TRIM47: variants seen among roughly 807,000 people sequenced by gnomAD.
TRIM47 encodes the protein tripartite motif containing 47.
TRIM47 carries 46 observed loss-of-function variants against 54.4 expected under a neutral mutation model. The ratio of observed to expected loss-of-function variants is 0.84; its 90% CI spans 0.67 to 1.08. The LOEUF (loss-of-function observed/expected upper bound fraction) is 1.08, where lower values mean the gene tolerates loss of function less well. TRIM47 is among the 50% of genes least tolerant of loss of function. The pLI is 0.00. For missense variants in TRIM47, 825 were observed against 910.1 expected, an observed-to-expected ratio of 0.91 and a Z score of 1.20; for synonymous variants, 392 against 410.2, an observed-to-expected ratio of 0.96 and a Z score of 0.54.
At chr17:75,877,656 G>A in intron 1 of TRIM47, 1 of 1,225,846 alleles carries the variant, frequency 8.2e-7, no homozygotes, top group Non-Finnish European at 1.0e-6. Context: ...CGCTCTTCGC[G>A]TCCTTGTCCT....
Position 75,876,023 on chromosome 17 carries a change from G to A in TRIM47, c.1079C>T (p.Thr360Ile), listed in dbSNP as rs1460092237. 4 of 1,604,324 alleles carry A rather than the reference G, an allele frequency of 2.5e-6. No individual in the cohort carries two copies. Among genetic ancestry groups the A allele is most frequent in the Admixed American group, 1.7e-5 (1 of 60,026 alleles). ...GPGPPRELSF[T>I]KSSQAVRAVR... ...TGCACGGACAGCTTGGGATGATTTG[G>A]TGAAGCTGAGCTCCCTCGGGGGTCC... Residue 360 changes from threonine (T) to isoleucine (I), a missense_variant, in exon 4 of 6, where the codon ACC becomes ATC. Physicochemically the swap from Thr to Ile is moderately conservative, Grantham distance 89. Transcript: ENST00000254816.
intron 1 of TRIM47, 69 bp downstream of exon 1, chr17:75,877,805 G>A (rs947423834): frequency 3.9e-6 from 5 of 1,277,864 alleles, no homozygotes; most frequent in Non-Finnish European, 9.9e-7. Flanking sequence ...GGGGGTCCAA[G>A]GTCCTCGGCC....
Position 75,878,543 on chromosome 17 carries a change from G to A in TRIM47, c.6C>T (p.Asp2=). 7.8e-7 allele frequency: 1 copy of A among 1,286,082 alleles called. No homozygotes were observed. The highest frequency in any genetic ancestry group is 1.5e-5 in the African/African-American group (1 of 65,248). 79.7% of individuals were successfully genotyped at this position (1,286,082 alleles called of 1,614,324 possible). The change falls in exon 1 of 6, where the codon GAC becomes GAT. Residue 2 remains aspartate, a synonymous_variant. Coordinates refer to ENST00000254816, the MANE Select transcript of TRIM47 (RefSeq NM_033452.3). ...TGGGGCAGCTGAAGGGTCCACTGCC[G>A]TCCATGACTCCGCGGCCGCCCAGGG... M[D]GSGPFSCPIC...
chr17:75,874,856 C>A lies in TRIM47; in HGVS notation c.1544G>T (p.Arg515Leu), dbSNP rs374555938. The A allele has an allele frequency of 3.1e-6, 5 of 1,613,878 alleles. No individual in the cohort carries two copies. In the African/African-American group the frequency reaches 5.3e-5, roughly 17 times the overall value. Residue 515 changes from arginine (R) to leucine (L), a missense_variant, in exon 6 of 6, where the codon CGC becomes CTC. Coordinates refer to ENST00000254816, the MANE Select transcript of TRIM47 (RefSeq NM_033452.3). The surrounding 1 kb of genome is among the most constrained non-coding windows in gnomAD (Gnocchi z 6.2). The part of the protein sequence containing the change: ...QEPYDRGRLG[R>L]NAHSCCLQWN... ...CTGCAGGCAGCAGGAGTGGGCGTTG[C>A]GGCCCAGCCGGCCGCGGTCGTAGGG...
At position 75,875,972 on chromosome 17, in the gene TRIM47, C is replaced by T. The variant is rs1282829889; in HGVS notation, c.1130G>A (p.Cys377Tyr). The change falls in exon 4 of 6, where the codon TGC becomes TAC. Residue 377 changes from cysteine (C) to tyrosine (Y), a missense_variant. By Grantham distance (194) the Cys-to-Tyr change is radical (BLOSUM62 -2). Coordinates refer to ENST00000254816, the MANE Select transcript of TRIM47 (RefSeq NM_033452.3). This position sits in a 1 kb window ranked among gnomAD's most constrained non-coding sequence, Gnocchi z 6.1. ...RAVRDMLAVACVNQWEQLRGP... is the reference protein window; with the variant it reads ...RAVRDMLAVAYVNQWEQLRGP... The stretch of plus-strand genomic sequence containing the variant: ...CCTCAGCTGCTCCCACTGGTTGACG[C>T]AGGCCACGGCCAGCATGTCTCTCAC... 1.2e-6 allele frequency: 2 copies of T among 1,609,288 alleles called. No homozygotes were observed. Among genetic ancestry groups the T allele is most frequent in the Non-Finnish European group, 1.7e-6 (2 of 1,179,998 alleles).
Position 75,875,553 on chromosome 17 carries a change from C to T in TRIM47, c.1202-79G>A. The T allele has an allele frequency of 3.0e-6, 4 of 1,318,122 alleles. No homozygotes were observed. The highest frequency in any genetic ancestry group is 1.8e-4 in the Middle Eastern group (1 of 5,514). The allele number at this position is 1,318,122 out of a possible 1,614,324, so 81.7% of individuals were successfully genotyped here. A position where few individuals can be genotyped will look rare whatever the true frequency, so the allele number is the denominator to read the frequency against. On this transcript the variant is annotated intron_variant, in intron 4 of 5. Transcript: ENST00000254816. This position sits in a 1 kb window ranked among gnomAD's most constrained non-coding sequence, Gnocchi z 6.1. ...CTGTGACTACAATCCCTACCCCCTT[C>T]ACTTCCTCCCAGAGTCCAGAGCCAC... is the stretch of plus-strand genomic sequence containing the variant.
rs1219519708 is a variant in TRIM47, at chr17:75,878,518, T to C, written c.31A>G (p.Ile11Val). Residue 11 changes from isoleucine (I) to valine (V), a missense_variant, in exon 1 of 6, where the codon ATC becomes GTC. Coordinates refer to ENST00000254816, the MANE Select transcript of TRIM47 (RefSeq NM_033452.3). Reference protein sequence around the residue: MDGSGPFSCPICLEPLREPVT... With the variant: MDGSGPFSCPVCLEPLREPVT... ...GGCTCCCGGAGTGGCTCTAGGCAGATGGGGCAGCTGAAGGGTCCACTGCCG... is the reference window on the plus strand; with the variant it reads ...GGCTCCCGGAGTGGCTCTAGGCAGACGGGGCAGCTGAAGGGTCCACTGCCG... The C allele has an allele frequency of 1.5e-6, 2 of 1,327,448 alleles. No homozygotes were observed. 82.2% of individuals were successfully genotyped at this position (1,327,448 alleles called of 1,614,324 possible).
chr17:75,875,097 C>T lies in TRIM47; in HGVS notation c.1303G>A (p.Asp435Asn), dbSNP rs748897915. The part of the protein sequence containing the change: ...KFAYIVDLDS[D>N]TADKFLQLFG... ...AGCTGCAGGAACTTGTCTGCTGTGT[C>T]GCTGTCCAAATCCACAATATAGGCA... Residue 435 changes from aspartate (D) to asparagine (N), a missense_variant, in exon 6 of 6, where the codon GAC becomes AAC. Transcript: ENST00000254816. The surrounding 1 kb of genome is among the most constrained non-coding windows in gnomAD (Gnocchi z 6.1). The T allele has an allele frequency of 1.4e-5, 23 of 1,603,438 alleles. No individual in the cohort carries two copies. The Admixed American group carries it at 1.8e-4, about 13-fold the overall frequency.
chr17:75,877,002 T>C lies in TRIM47; in HGVS notation c.676-189A>G, dbSNP rs1599437693. Reference sequence around the variant, plus strand: ...CTGCAGCCCAGGCTGGTGCCTTTCCTGAACGCCTGGGGGGCGTGCAGGCTG... The same window carrying C: ...CTGCAGCCCAGGCTGGTGCCTTTCCCGAACGCCTGGGGGGCGTGCAGGCTG... On this transcript the variant is annotated intron_variant, in intron 1 of 5. Transcript: ENST00000254816. 1.6e-5 allele frequency: 10 copies of C among 611,414 alleles called. No individual in the cohort carries two copies. The East Asian group carries it at 2.8e-4, about 17-fold the overall frequency. 37.9% of individuals were successfully genotyped at this position (611,414 alleles called of 1,614,324 possible).
rs753345945 is a variant in TRIM47, at chr17:75,874,937, A to ATCTCCACC, written c.1455_1462dup (p.Ile488ArgfsTer85). Reference sequence around the variant, plus strand: ...CCCCATGCTGACCCAGCCCTCGATAATCTCCACCTCCCAGTAGTAGGTGCC... The same window carrying ATCTCCACC: ...CCCCATGCTGACCCAGCCCTCGATAATCTCCACCTCTCCACCTCCCAGTAGTAGGTGCC... On this transcript the variant is annotated frameshift_variant, in exon 6 of 6. Transcript: ENST00000254816. LOFTEE classifies it high-confidence loss of function. This position sits in a 1 kb window ranked among gnomAD's most constrained non-coding sequence, Gnocchi z 6.2. 3.7e-6 allele frequency: 6 copies of ATCTCCACC among 1,613,932 alleles called. No homozygotes were observed. Among genetic ancestry groups the ATCTCCACC allele is most frequent in the Non-Finnish European group, 5.1e-6 (6 of 1,179,980 alleles).
In TRIM47 at chr17:75,875,538, A is replaced by C; in HGVS notation, c.1202-64T>G. 2.8e-6 allele frequency: 4 copies of C among 1,426,400 alleles called. No homozygotes were observed. Among genetic ancestry groups the C allele is most frequent in the Non-Finnish European group, 3.9e-6 (4 of 1,012,914 alleles). 88.4% of individuals were successfully genotyped at this position (1,426,400 alleles called of 1,614,324 possible). A position where few individuals can be genotyped will look rare whatever the true frequency, so the allele number is the denominator to read the frequency against. On this transcript the variant is annotated intron_variant, in intron 4 of 5. Transcript: ENST00000254816. This position sits in a 1 kb window ranked among gnomAD's most constrained non-coding sequence, Gnocchi z 6.1. Reference sequence around the variant, plus strand: ...TGCCCCCCTCTGAACCTGTGACTACAATCCCTACCCCCTTCACTTCCTCCC... The same window carrying C: ...TGCCCCCCTCTGAACCTGTGACTACCATCCCTACCCCCTTCACTTCCTCCC...
At chr17:75,877,771 T>C (rs751336261) in intron 1 of TRIM47, 103 bp downstream of exon 1, 14 of 1,261,726 alleles carry the variant, frequency 1.1e-5, no homozygotes, top group Non-Finnish European at 1.1e-5. Flanking sequence ...GAGGAGGAGA[T>C]TAAGACCCAA....
rs2143980812 is a variant in TRIM47, at chr17:75,878,213, C to T, written c.336G>A (p.Ser112=). 3 of 1,228,214 alleles carry T rather than the reference C, an allele frequency of 2.4e-6. No homozygotes were observed. The highest frequency in any genetic ancestry group is 3.0e-6 in the Non-Finnish European group (3 of 985,940). The allele number at this position is 1,228,214 out of a possible 1,614,324, so 76.1% of individuals were successfully genotyped here. The stretch of plus-strand genomic sequence containing the variant: ...GCCACGGCTCGGGAGCGCAGGGGGC[C>T]GACGGCTCCGGGACACTGGGCAGCG... ...PSALPSVPEP[S]APCAPEPWPA... is the part of the protein sequence containing the mutation. The change falls in exon 1 of 6, where the codon TCG becomes TCA. Residue 112 remains serine, a synonymous_variant. Transcript: ENST00000254816.
intron 3 of TRIM47, 42 bp downstream of exon 3, chr17:75,876,220 C>T: frequency 6.3e-7 from 1 of 1,577,336 alleles, no homozygotes; most frequent in Non-Finnish European, 8.6e-7. Flanking sequence ...CCCCACCTGT[C>T]CCAGCTTCTG....
chr17:75,876,730 C>A lies in TRIM47; in HGVS notation c.759G>T (p.Val253=). ...GAGIAQSRRT[V]ALIKSAAVAE... ...AGGGGTGTTTGACCTTGATGAGGGC[C>A]ACTGTGCGCCTGGACTGTGCAATGC... Residue 253 remains valine, a synonymous_variant, in exon 2 of 6, where the codon GTG becomes GTT. Coordinates refer to ENST00000254816, the MANE Select transcript of TRIM47 (RefSeq NM_033452.3). 6.2e-7 allele frequency: 1 copy of A among 1,614,162 alleles called. No homozygotes were observed. Among genetic ancestry groups the A allele is most frequent in the Non-Finnish European group, 8.5e-7 (1 of 1,180,012 alleles).
In TRIM47 at chr17:75,875,410, A is replaced by G. The variant is rs1413423803; in HGVS notation, c.1266T>C (p.Tyr422=). The change falls in exon 5 of 6, where the codon TAT becomes TAC. Residue 422 remains tyrosine (Y), a synonymous_variant. Transcript: ENST00000254816. The surrounding 1 kb of genome is among the most constrained non-coding windows in gnomAD (Gnocchi z 6.1). ...CGGGCGTCCACTTACACTTGAGGAA[A>G]TAGTCCCTGGGAGCTTCACTCTCCA... The part of the protein sequence containing the change: ...NLLESEAPRD[Y]FLKFAYIVDL... 6.2e-7 allele frequency: 1 copy of G among 1,614,006 alleles called. No homozygotes were observed. Among genetic ancestry groups the G allele is most frequent in the South Asian group, 1.1e-5 (1 of 91,084 alleles).
At chr17:75,877,583 C>A in intron 1 of TRIM47, 1 of 983,152 alleles carries the variant, frequency 1.0e-6, no homozygotes, top group East Asian at 3.6e-5. Flanking sequence ...ACCCCGCGGG[C>A]CTAACCCGGC....
chr17:75,875,097 C>G lies in TRIM47; in HGVS notation c.1303G>C (p.Asp435His), dbSNP rs748897915. 38 of 1,603,438 alleles carry G rather than the reference C, an allele frequency of 2.4e-5. No homozygotes were observed. Among genetic ancestry groups the G allele is most frequent in the African/African-American group, 5.4e-5 (4 of 74,722 alleles). The change falls in exon 6 of 6, where the codon GAC becomes CAC. Residue 435 changes from aspartate (D) to histidine (H), a missense_variant. Coordinates refer to ENST00000254816, the MANE Select transcript of TRIM47 (RefSeq NM_033452.3). The surrounding 1 kb of genome is among the most constrained non-coding windows in gnomAD (Gnocchi z 6.1). ...AGCTGCAGGAACTTGTCTGCTGTGT[C>G]GCTGTCCAAATCCACAATATAGGCA... ...KFAYIVDLDS[D>H]TADKFLQLFG...
chr17:75,876,213 C>T (rs768934249), intron 3 of TRIM47, 49 bp downstream of exon 3: 5 of 1,572,332 alleles, frequency 3.2e-6, no homozygotes, highest in Non-Finnish European at 3.4e-6. Context: ...CCCTCCACCC[C>T]ACCTGTCCCA....
Sources: gnomAD v4.1 joint callset for allele counts on GRCh38, gnomAD v4.1.1 for gene constraint, Gnocchi (gnomAD v3.1) non-coding constraint, MANE v1.5 for transcripts, NCBI Gene and HGNC (gene_info 2026-07-23, HGNC 2026-07-21) for gene names.